Variants in EGFR observed in about 807,000 individuals in gnomAD.
EGFR encodes avian erythroblastic leukemia viral (v-erb-b) oncogene homolog.
A neutral mutation model predicts 143.0 loss-of-function variants in EGFR; 58 were observed. The ratio of observed to expected loss-of-function variants is 0.41; its 90% CI spans 0.33 to 0.50. The LOEUF is 0.50. Among genes scored for constraint, EGFR ranks in the 20% least tolerant of loss-of-function variants. The pLI, the probability that EGFR is intolerant of heterozygous loss-of-function variation, is 0.39. For missense variants in EGFR, 1,307 were observed against 1,579.0 expected, an observed-to-expected ratio of 0.83 and a Z score of 2.92; for synonymous variants, 613 against 594.4, an observed-to-expected ratio of 1.03 and a Z score of -0.45.
Position 55,209,058 on chromosome 7 carries a change from C to T in EGFR, c.*3441C>T, listed in dbSNP as rs569341245. On this transcript the variant is annotated 3_prime_UTR_variant, in exon 28 of 28. Transcript: ENST00000275493. ...CTGATTGCACTTGTGTAGGATGAAGCTGGTGGGTGATGGGAACTCAGCACC... is the reference window on the plus strand; with the variant it reads ...CTGATTGCACTTGTGTAGGATGAAGTTGGTGGGTGATGGGAACTCAGCACC... The T allele has an allele frequency of 1.1e-4, 16 of 152,256 alleles. No homozygotes were observed. Among genetic ancestry groups the T allele is most frequent in the African/African-American group, 3.9e-4 (16 of 41,534 alleles). The allele number at this position is 152,256 out of a possible 1,614,324, so 9.4% of individuals were successfully genotyped here. A position where few individuals can be genotyped will look rare whatever the true frequency, so the allele number is the denominator to read the frequency against.
At chr7:55,065,987 T>G (rs773164377) in intron 1 of EGFR, among the ~76,000 whole-genome samples, 98 of 152,150 alleles carry the variant, frequency 6.4e-4, no homozygotes, top group Admixed American at 1.2e-3. Flanking sequence ...CTGACAAAGA[T>G]AAACTTTTCC....
intron 1 of EGFR, among the ~76,000 whole-genome samples, chr7:55,058,689 G>T (rs1788983989): frequency 6.6e-6 from 1 of 152,148 alleles, no homozygotes; most frequent in African/African-American, 2.4e-5. Context: ...CCTACTTGAG[G>T]GTAGAGGGTT....
rs574109484 is a variant in EGFR at position 55,200,958 on chromosome 7, C to T, written c.2947-230C>T. On this transcript the variant is annotated intron_variant, in intron 24 of 27. Transcript: ENST00000275493. ...CTGTTTCCTCAGAAGCTATTTGAAT[C>T]TCATGTAGGGGCTTTCAAGCATCAA... 3.3e-5 allele frequency among the ~76,000 whole-genome samples: 5 copies of T among 152,280 alleles called. No homozygotes were observed. In the South Asian group the frequency reaches 1.0e-3, roughly 32 times the overall value.
chr7:55,196,328 A>C (rs1008582944), intron 22 of EGFR, among the ~76,000 whole-genome samples: 2 of 151,998 alleles, frequency 1.3e-5, no homozygotes, highest in Non-Finnish European at 2.9e-5. Flanking sequence ...TCTTCTAAAA[A>C]GTGTCTGCTC....
intron 22 of EGFR, among the ~76,000 whole-genome samples, chr7:55,194,559 T>C (rs926971005): frequency 6.6e-6 from 1 of 152,212 alleles, no homozygotes; most frequent in Admixed American, 6.5e-5. Context: ...TCCAGGTATG[T>C]TCAGATAAAA....
chr7:55,062,104 T>C (rs1398508108), intron 1 of EGFR, among the ~76,000 whole-genome samples: 2 of 152,018 alleles, frequency 1.3e-5, no homozygotes, highest in Non-Finnish European at 2.9e-5. Context: ...AAGTGAAGAG[T>C]AAGAAGTCTA....
chr7:55,059,183 C>T (rs1789015942), intron 1 of EGFR, among the ~76,000 whole-genome samples: 1 of 152,260 alleles, frequency 6.6e-6, no homozygotes, highest in African/African-American at 2.4e-5. Context: ...AGTAAAAACA[C>T]ACCAGGAAGC....
Position 55,205,423 on chromosome 7 carries a change from G to A in EGFR, c.3439G>A (p.Val1147Ile), listed in dbSNP as rs2128975368. 6.2e-7 allele frequency: 1 copy of A among 1,614,120 alleles called. No individual in the cohort carries two copies. Among genetic ancestry groups the A allele is most frequent in the Non-Finnish European group, 8.5e-7 (1 of 1,180,022 alleles). Residue 1147 changes from valine (V) to isoleucine (I), a missense_variant, in exon 28 of 28, where the codon GTC becomes ATC. By Grantham distance (29) the Val-to-Ile change is conservative. Coordinates refer to ENST00000275493, the MANE Select transcript of EGFR (RefSeq NM_005228.5). The part of the protein sequence containing the change: ...EYLNTVQPTC[V>I]NSTFDSPAHW... ...TCTCAACACTGTCCAGCCCACCTGT[G>A]TCAACAGCACATTCGACAGCCCTGC...
intron 1 of EGFR, among the ~76,000 whole-genome samples, chr7:55,117,360 G>T (rs1038842420): frequency 6.6e-6 from 1 of 152,118 alleles, no homozygotes; most frequent in Non-Finnish European, 1.5e-5. Context: ...AGACATAGCA[G>T]TCTACAAGGA....
At chr7:55,095,537 C>A (rs1584026289) in intron 1 of EGFR, among the ~76,000 whole-genome samples, 1 of 152,164 alleles carries the variant, frequency 6.6e-6, no homozygotes, top group Non-Finnish European at 1.5e-5. Context: ...GGGCCAGTTT[C>A]GCCTTTAGAA....
chr7:55,115,639 C>T (rs1792794002), intron 1 of EGFR, among the ~76,000 whole-genome samples: 1 of 152,178 alleles, frequency 6.6e-6, no homozygotes, highest in South Asian at 2.1e-4. Flanking sequence ...TTCACATTCC[C>T]ATCCATGAGC....
At chr7:55,182,857 C>T (rs145722436) in intron 20 of EGFR, among the ~76,000 whole-genome samples, 3 of 152,286 alleles carry the variant, frequency 2.0e-5, no homozygotes, top group Non-Finnish European at 2.9e-5. Context: ...GACAGTGGTC[C>T]TGGGAGAGGG....
At chr7:55,066,604 C>T (rs956930470) in intron 1 of EGFR, among the ~76,000 whole-genome samples, 1 of 152,214 alleles carries the variant, frequency 6.6e-6, no homozygotes, top group Non-Finnish European at 1.5e-5. Flanking sequence ...TGCTTGGTTA[C>T]AAAAAGGGCA....
At chr7:55,175,563 G>A (rs1266190014) in intron 19 of EGFR, among the ~76,000 whole-genome samples, 1 of 152,198 alleles carries the variant, frequency 6.6e-6, no homozygotes, top group Non-Finnish European at 1.5e-5. Context: ...TGAGTTGGTG[G>A]AAACCTTTGC....
chr7:55,187,140 G>A (rs1358297939), intron 20 of EGFR, among the ~76,000 whole-genome samples: 1 of 152,196 alleles, frequency 6.6e-6, no homozygotes, highest in South Asian at 2.1e-4. Flanking sequence ...CTGGGGAGGA[G>A]GGGTGGACCC....
chr7:55,093,116 C>G (rs2128895828), intron 1 of EGFR, among the ~76,000 whole-genome samples: 1 of 152,300 alleles, frequency 6.6e-6, no homozygotes, highest in Middle Eastern at 3.4e-3. Flanking sequence ...CTATGTTTGT[C>G]TTGATTTCCT....
chr7:55,204,293 ACCACACATGTACACACG>A (rs1397018468), intron 27 of EGFR, among the ~76,000 whole-genome samples: 3 of 146,388 alleles, frequency 2.0e-5, no homozygotes, highest in Non-Finnish European at 4.5e-5. Flanking sequence ...ACATCCACAC[ACCACACATGTACACACG>A]CCACACACAC....
chr7:55,067,844 G>A (rs558636000), intron 1 of EGFR, among the ~76,000 whole-genome samples: 4 of 151,398 alleles, frequency 2.6e-5, no homozygotes, highest in South Asian at 2.1e-4. Flanking sequence ...ATGTGTGCAC[G>A]TGTGCGCCTG....
intron 11 of EGFR, 126 bp downstream of exon 11, chr7:55,157,879 CTA>C (rs1226353785): frequency 2.1e-6 from 2 of 949,006 alleles, no homozygotes; most frequent in Non-Finnish European, 3.3e-6. Flanking sequence ...TTCCCAAATG[CTA>C]TCTCACATGA....
Sources: allele counts gnomAD v4.1 joint callset (sites outside exome capture counted in the v4.1 genomes callset), GRCh38; gene constraint gnomAD v4.1.1; transcripts MANE v1.5; gene names NCBI Gene and HGNC (gene_info 2026-07-23, HGNC 2026-07-21).